Variants in SPMIP2 observed in about 807,000 individuals in gnomAD.
SPMIP2 encodes the protein sperm microtubule inner protein 2.
chr4:159,047,116 C>T, the SPMIP2 span, among the ~76,000 whole-genome samples: 1 of 152,156 alleles, frequency 6.6e-6, no homozygotes, highest in African/African-American at 2.4e-5. Context: ...TGTTAGACCA[C>T]TTATGCTCTG....
At chr4:158,899,495 T>G in the SPMIP2 span, among the ~76,000 whole-genome samples, 1 of 152,238 alleles carries the variant, frequency 6.6e-6, no homozygotes, top group South Asian at 2.1e-4. Flanking sequence ...ATTTTTTGGT[T>G]GGTAGGCTAT....
At chr4:159,017,448 A>G in the SPMIP2 span, among the ~76,000 whole-genome samples, 1 of 149,242 alleles carries the variant, frequency 6.7e-6, no homozygotes, top group Non-Finnish European at 1.5e-5. Context: ...TCCTCCAACA[A>G]TTTTTTTTTT....
the SPMIP2 span, among the ~76,000 whole-genome samples, chr4:158,982,599 T>C: frequency 6.6e-6 from 1 of 152,164 alleles, no homozygotes; most frequent in Non-Finnish European, 1.5e-5. Context: ...ACCTGGAAAC[T>C]GAACAATCTG....
At chr4:158,991,341 G>A in the SPMIP2 span, among the ~76,000 whole-genome samples, 798 of 152,280 alleles carry the variant, frequency 5.2e-3, 6 homozygotes, top group African/African-American at 0.018. Flanking sequence ...TGGCTCCTGT[G>A]GCTCCCTTCA....
chr4:158,905,364 G>A, the SPMIP2 span: 2 of 152,140 alleles, frequency 1.3e-5, no homozygotes, highest in Admixed American at 1.3e-4. Context: ...TTTTAAGAGA[G>A]GCCACTTACC....
the SPMIP2 span, among the ~76,000 whole-genome samples, chr4:158,899,535 AT>A: frequency 2.0e-5 from 3 of 152,346 alleles, no homozygotes; most frequent in East Asian, 5.8e-4. Flanking sequence ...AGAACTTGTT[AT>A]CAGTCTATTC....
the SPMIP2 span, among the ~76,000 whole-genome samples, chr4:159,014,901 G>A: frequency 6.6e-6 from 1 of 152,170 alleles, no homozygotes; most frequent in Non-Finnish European, 1.5e-5. Context: ...ATTCTAGGCT[G>A]CATGCAGCCC....
At chr4:158,973,010 A>C in the SPMIP2 span, 1 of 1,045,654 alleles carries the variant, frequency 9.6e-7, no homozygotes, top group Non-Finnish European at 1.4e-6. Flanking sequence ...TTTCCTTTGG[A>C]AGCAAATTCA....
chr4:158,980,467 T>G, the SPMIP2 span, among the ~76,000 whole-genome samples: 7 of 152,200 alleles, frequency 4.6e-5, no homozygotes, highest in Admixed American at 2.6e-4. Flanking sequence ...CTGGCTGGCA[T>G]CTGGCGGGTG....
At chr4:158,915,250 T>C in the SPMIP2 span, 11 of 1,613,668 alleles carry the variant, frequency 6.8e-6, no homozygotes, top group Admixed American at 5.0e-5. Context: ...CTAACAAGAA[T>C]AGCCCATTTG....
chr4:158,973,258 C>A, the SPMIP2 span: 1 of 1,613,818 alleles, frequency 6.2e-7, no homozygotes, highest in Non-Finnish European at 8.5e-7. Context: ...TGTTCTCCTA[C>A]ATAGGAGGTG....
chr4:158,947,583 A>G, the SPMIP2 span, among the ~76,000 whole-genome samples: 1 of 152,222 alleles, frequency 6.6e-6, no homozygotes, highest in Non-Finnish European at 1.5e-5. Context: ...TCCCATAGTA[A>G]GTTGATAGTG....
the SPMIP2 span, chr4:158,915,115 A>G: frequency 4.1e-6 from 6 of 1,452,932 alleles, no homozygotes; most frequent in South Asian, 3.9e-5. Context: ...CCTGATTTAT[A>G]TGTTAAAGCA....
chr4:158,924,546 A>AT, the SPMIP2 span, among the ~76,000 whole-genome samples: 1 of 150,718 alleles, frequency 6.6e-6, no homozygotes, highest in Non-Finnish European at 1.5e-5. Flanking sequence ...TGCCTGGCTA[A>AT]TTTTTTTGTA....
chr4:159,050,786 A>G, the SPMIP2 span, among the ~76,000 whole-genome samples: 2 of 144,264 alleles, frequency 1.4e-5, no homozygotes, highest in Non-Finnish European at 3.0e-5. Context: ...ACAGAGCAAG[A>G]ACTCATCCGT....
At chr4:158,934,294 C>T in the SPMIP2 span, among the ~76,000 whole-genome samples, 1 of 152,046 alleles carries the variant, frequency 6.6e-6, no homozygotes, top group South Asian at 2.1e-4. Flanking sequence ...AACCCCATCT[C>T]TACTAAAAAT....
At chr4:159,067,391 C>T in the SPMIP2 span, among the ~76,000 whole-genome samples, 16 of 152,044 alleles carry the variant, frequency 1.1e-4, no homozygotes, top group South Asian at 1.5e-3. Context: ...CCACCATGCC[C>T]GGCTAATTTT....
At chr4:159,076,151 T>C in the SPMIP2 span, among the ~76,000 whole-genome samples, 2 of 152,196 alleles carry the variant, frequency 1.3e-5, no homozygotes, top group Non-Finnish European at 2.9e-5. Context: ...GTGAAGAACT[T>C]GCAGCTCAGA....
At chr4:158,904,275 T>C in the SPMIP2 span, among the ~76,000 whole-genome samples, 16 of 152,328 alleles carry the variant, frequency 1.1e-4, no homozygotes, top group Middle Eastern at 3.4e-3. Context: ...CCCTGGTCAG[T>C]GTCCACTGGA....
Sources: gnomAD v4.1 joint callset for allele counts (sites outside exome capture counted in the v4.1 genomes callset) on GRCh38, gnomAD v4.1.1 for gene constraint, MANE v1.5 for transcripts, NCBI Gene and HGNC (gene_info 2026-07-23, HGNC 2026-07-21) for gene names.